The following PKP2 variants were observed in gnomAD, a reference collection of about 807,000 sequenced individuals.
PKP2 encodes the protein plakophilin-2.
A neutral mutation model predicts 83.4 loss-of-function variants in PKP2; 73 were observed. That is an observed-to-expected ratio of 0.88 (90% CI 0.72 to 1.06). The LOEUF is 1.06. Among genes scored for constraint, PKP2 ranks in the 50% least tolerant of loss-of-function variants. PKP2 has a pLI of 0.00. For synonymous variants in PKP2, 409 were observed against 430.4 expected, an observed-to-expected ratio of 0.95 and a Z score of 0.62; for missense variants, 966 against 1,065.4, an observed-to-expected ratio of 0.91 and a Z score of 1.30.
At chr12:32,803,585 CA>C (rs1956201301) in intron 9 of PKP2, among the ~76,000 whole-genome samples, 1 of 152,094 alleles carries the variant, frequency 6.6e-6, no homozygotes. Context: ...TTGTGTAATA[CA>C]AGTAATCTCT....
intron 1 of PKP2, among the ~76,000 whole-genome samples, chr12:32,895,232 G>T (rs1365114266): frequency 2.0e-5 from 3 of 151,372 alleles, no homozygotes; most frequent in Non-Finnish European, 4.4e-5. Context: ...AAACCACATC[G>T]CCCAATTCTT....
intron 10 of PKP2, among the ~76,000 whole-genome samples, chr12:32,799,325 C>T (rs1956158447): frequency 6.6e-6 from 1 of 152,210 alleles, no homozygotes; most frequent in South Asian, 2.1e-4. Flanking sequence ...AACACTTCTA[C>T]ACTGCTGGTG....
chr12:32,839,300 G>A (rs1565586166), intron 6 of PKP2, among the ~76,000 whole-genome samples: 1 of 151,346 alleles, frequency 6.6e-6, no homozygotes, highest in Non-Finnish European at 1.5e-5. Context: ...CTCAAATGAT[G>A]TGCCCCTTTC....
intron 9 of PKP2, among the ~76,000 whole-genome samples, chr12:32,803,763 G>A (rs1236694849): frequency 6.6e-6 from 1 of 152,068 alleles, no homozygotes; most frequent in Non-Finnish European, 1.5e-5. Context: ...TCTTTCATAT[G>A]CACCTTACGC....
chr12:32,880,281 T>G (rs1238833945), intron 1 of PKP2, among the ~76,000 whole-genome samples: 1 of 151,450 alleles, frequency 6.6e-6, no homozygotes, highest in East Asian at 1.9e-4. Context: ...GCGCCTGTAA[T>G]CCCAGCTACT....
At chr12:32,873,639 C>T (rs1285387141) in intron 3 of PKP2, among the ~76,000 whole-genome samples, 1 of 151,524 alleles carries the variant, frequency 6.6e-6, no homozygotes, top group Non-Finnish European at 1.5e-5. Context: ...AAGCAATTTT[C>T]CTGCCTCAGC....
rs1418015590 is a variant in PKP2, at chr12:32,792,313, T to C, written c.*111A>G. Reference sequence around the variant, plus strand: ...TTCTGGATTCAGGGGACCACGGAAATAGAGAAGGATAGAAACAAGGCATGC... The same window carrying C: ...TTCTGGATTCAGGGGACCACGGAAACAGAGAAGGATAGAAACAAGGCATGC... On this transcript the variant is annotated 3_prime_UTR_variant, in exon 13 of 13. Transcript: ENST00000340811. 5.0e-6 allele frequency: 4 copies of C among 807,128 alleles called. No individual in the cohort carries two copies. The highest frequency in any genetic ancestry group is 5.0e-5 in the East Asian group (2 of 39,988). The allele number at this position is 807,128 out of a possible 1,614,324, so 50.0% of individuals were successfully genotyped here. A position where few individuals can be genotyped will look rare whatever the true frequency, so the allele number is the denominator to read the frequency against.
intron 10 of PKP2, among the ~76,000 whole-genome samples, chr12:32,796,736 C>T (rs1454491337): frequency 6.6e-6 from 1 of 152,016 alleles, no homozygotes; most frequent in Non-Finnish European, 1.5e-5. Flanking sequence ...TGGTTAACAA[C>T]ACATGGAAAG....
intron 11 of PKP2, 54 bp from the exon 12 acceptor site, chr12:32,792,785 G>T: frequency 7.0e-7 from 1 of 1,420,874 alleles, no homozygotes; most frequent in Non-Finnish European, 1.0e-6. Flanking sequence ...GCTTCTGGAT[G>T]CGGCCTGTGG....
chr12:32,798,774 G>T (rs978737063), intron 10 of PKP2, among the ~76,000 whole-genome samples: 16 of 152,140 alleles, frequency 1.1e-4, no homozygotes. Context: ...ACTCAAGATG[G>T]ATCAAAGATT....
At chr12:32,803,442 C>T (rs967205616) in intron 9 of PKP2, among the ~76,000 whole-genome samples, 2 of 152,164 alleles carry the variant, frequency 1.3e-5, no homozygotes, top group Non-Finnish European at 2.9e-5. Flanking sequence ...TTTTTTCCAT[C>T]TGTGTTTATA....
chr12:32,797,680 C>T (rs563820384), intron 10 of PKP2, among the ~76,000 whole-genome samples: 5 of 151,540 alleles, frequency 3.3e-5, no homozygotes, highest in South Asian at 2.1e-4. Flanking sequence ...CTCAGCCTCC[C>T]GAGTAGCTGG....
At chr12:32,865,594 G>T (rs938940024) in intron 4 of PKP2, among the ~76,000 whole-genome samples, 5 of 149,208 alleles carry the variant, frequency 3.4e-5, no homozygotes, top group Admixed American at 2.7e-4. Flanking sequence ...GCTGAGGCAG[G>T]AGAATAGCTT....
intron 5 of PKP2, among the ~76,000 whole-genome samples, chr12:32,844,486 C>G (rs1443951736): frequency 6.6e-6 from 1 of 152,106 alleles, no homozygotes; most frequent in Non-Finnish European, 1.5e-5. Context: ...TCCATGTTCT[C>G]TAGTAACTAA....
chr12:32,840,982 A>AT (rs749533906), intron 6 of PKP2, 46 bp downstream of exon 6: 25 of 1,503,248 alleles, frequency 1.7e-5, no homozygotes, highest in Non-Finnish European at 1.8e-6. Flanking sequence ...GGGCTACCTA[A>AT]TTTTTTATTG....
At position 32,792,331 on chromosome 12, in the gene PKP2, A is replaced by C. The variant is rs1414338237; in HGVS notation, c.*93T>G. 19 of 872,524 alleles carry C rather than the reference A, an allele frequency of 2.2e-5. No individual in the cohort carries two copies. Among genetic ancestry groups the C allele is most frequent in the Non-Finnish European group, 3.8e-5 (19 of 506,304 alleles). 54.0% of individuals were successfully genotyped at this position (872,524 alleles called of 1,614,324 possible). A position where few individuals can be genotyped will look rare whatever the true frequency, so the allele number is the denominator to read the frequency against. On this transcript the variant is annotated 3_prime_UTR_variant, in exon 13 of 13. Transcript: ENST00000340811. ...ACGGAAATAGAGAAGGATAGAAACA[A>C]GGCATGCTTTTGAGGTTTCTTGGGC... is the stretch of plus-strand genomic sequence containing the variant.
At chr12:32,794,399 G>A (rs1028893578) in intron 11 of PKP2, among the ~76,000 whole-genome samples, 3 of 152,154 alleles carry the variant, frequency 2.0e-5, no homozygotes, top group African/African-American at 7.2e-5. Context: ...GTCCACAAAC[G>A]GTAGGTCAGA....
intron 5 of PKP2, among the ~76,000 whole-genome samples, chr12:32,842,485 G>A (rs1956603470): frequency 6.6e-6 from 1 of 151,614 alleles, no homozygotes. Flanking sequence ...CAAATGATCT[G>A]CTGCCTCGAT....
At chr12:32,820,948 C>T (rs1006889606) in intron 9 of PKP2, 2 of 248,788 alleles carry the variant, frequency 8.0e-6, no homozygotes, top group Non-Finnish European at 1.6e-5. Context: ...TCTTTGTTAC[C>T]CTATGGAGAG....
Sources: gnomAD v4.1 joint callset for allele counts (sites outside exome capture counted in the v4.1 genomes callset) on GRCh38, gnomAD v4.1.1 for gene constraint, MANE v1.5 for transcripts, NCBI Gene and HGNC (gene_info 2026-07-23, HGNC 2026-07-21) for gene names.